The following NBPF12 variants were observed in gnomAD, a reference collection of about 807,000 sequenced individuals.
NBPF12 encodes NBPF member 12, also known as NBPF family member NBPF12.
Under a neutral mutation model 146.4 loss-of-function variants are expected in NBPF12, and 115 were observed. That is an observed-to-expected ratio of 0.79 (90% CI 0.68 to 0.92). The LOEUF is 0.92. NBPF12 is among the 40% of genes least tolerant of loss of function. NBPF12 has a pLI of 0.00. For synonymous variants in NBPF12, 385 were observed against 508.9 expected, an observed-to-expected ratio of 0.76 and a Z score of 3.28; for missense variants, 1,205 against 1,326.8, an observed-to-expected ratio of 0.91 and a Z score of 1.43.
chr1:146,974,090 C>T (rs1308172404), intron 14 of NBPF12, among the ~76,000 whole-genome samples: 1 of 150,538 alleles, frequency 6.6e-6, no homozygotes. Context: ...TGTCAATCTC[C>T]TAGAACATTT....
At chr1:146,992,624 C>T in intron 31 of NBPF12, 88 bp from the exon 35 acceptor site, 1 of 766,836 alleles carries the variant, frequency 1.3e-6, no homozygotes. Context: ...TTTTTAACCA[C>T]TTCCTTATGC....
At chr1:146,994,447 A>G (rs1553890066) in exon 34 of NBPF12, 2 of 1,611,976 alleles carry the variant, frequency 1.2e-6, no homozygotes, top group Admixed American at 1.7e-5. Context: ...CCAGCACTAC[A>G]GAAGTGTGTT....
At chr1:146,952,352 T>C (rs1655360654) in intron 2 of NBPF12, among the ~76,000 whole-genome samples, 3 of 152,094 alleles carry the variant, frequency 2.0e-5, no homozygotes. Flanking sequence ...ATCTCTTCTA[T>C]TCTCTTGCAT....
chr1:146,971,070 T>A, intron 12 of NBPF12, 113 bp from the exon 16 acceptor site: 1 of 1,551,310 alleles, frequency 6.4e-7, no homozygotes. Flanking sequence ...ACCTCCATTT[T>A]GCTTTCTGGG....
intron 14 of NBPF12, among the ~76,000 whole-genome samples, chr1:146,973,390 A>G (rs1656783239): frequency 1.3e-5 from 2 of 151,616 alleles, no homozygotes; most frequent in Admixed American, 6.6e-5. Flanking sequence ...TGTTCTAGTG[A>G]CTCTGAGGGA....
chr1:146,977,157 G>T (rs1183163523), intron 17 of NBPF12, among the ~76,000 whole-genome samples, 156 bp downstream of exon 20: 1 of 148,880 alleles, frequency 6.7e-6, no homozygotes, highest in Admixed American at 6.7e-5. Context: ...GGTGCGGCAG[G>T]TGTCATGTTT....
intron 1 of NBPF12, among the ~76,000 whole-genome samples, chr1:146,942,525 A>G (rs1355607297): frequency 6.6e-6 from 1 of 151,470 alleles, no homozygotes; most frequent in African/African-American, 2.4e-5. Flanking sequence ...TATTTGTTAA[A>G]TGAATGAATG....
chr1:146,992,470 G>GTGTGTT (rs1658250271), intron 31 of NBPF12, among the ~76,000 whole-genome samples: 12 of 85,434 alleles, frequency 1.4e-4, no homozygotes, highest in Non-Finnish European at 1.4e-4. Flanking sequence ...CTCTGTGTGT[G>GTGTGTT]TGTGTGTGTG....
exon 6 of NBPF12, chr1:146,963,198 C>A: frequency 6.3e-7 from 1 of 1,597,550 alleles, no homozygotes; most frequent in Non-Finnish European, 8.6e-7. Context: ...TGAGCATCTC[C>A]AGGCCCTCCT....
chr1:146,967,466 A>C (rs1315965779), intron 9 of NBPF12, among the ~76,000 whole-genome samples: 1 of 149,388 alleles, frequency 6.7e-6, no homozygotes, highest in Non-Finnish European at 1.5e-5. Context: ...TTGCCATTGC[A>C]CTCCAGCCTG....
chr1:146,985,012 A>G, intron 22 of NBPF12, 27 bp downstream of exon 25: 1 of 1,079,250 alleles, frequency 9.3e-7, no homozygotes, highest in Non-Finnish European at 1.4e-6. Context: ...GAAGGTGATA[A>G]GGATCCACTG....
At chr1:146,952,810 G>A (rs1655382351) in intron 2 of NBPF12, among the ~76,000 whole-genome samples, 1 of 150,854 alleles carries the variant, frequency 6.6e-6, no homozygotes, top group African/African-American at 2.5e-5. Context: ...AGAGGAAGGT[G>A]AGGTCCGTAT....
At chr1:146,976,258 C>T (rs1348865086) in intron 16 of NBPF12, among the ~76,000 whole-genome samples, 2 of 151,634 alleles carry the variant, frequency 1.3e-5, no homozygotes, top group African/African-American at 4.9e-5. Flanking sequence ...TAGTAACTGT[C>T]GGTGAGTGAA....
At chr1:146,959,318 C>T (rs1232720414) in intron 2 of NBPF12, among the ~76,000 whole-genome samples, 1 of 37,216 alleles carries the variant, frequency 2.7e-5, no homozygotes, top group Non-Finnish European at 4.2e-5. Context: ...ACTAAAAATA[C>T]AAAAAAAAAA....
chr1:146,976,299 C>T (rs1354946437), intron 16 of NBPF12, among the ~76,000 whole-genome samples: 2 of 146,152 alleles, frequency 1.4e-5, no homozygotes, highest in East Asian at 2.0e-4. Flanking sequence ...TCTCTCTCTC[C>T]ATGGCAGACA....
chr1:146,994,362 G>C, exon 34 of NBPF12: 1 of 1,612,178 alleles, frequency 6.2e-7, no homozygotes, highest in Non-Finnish European at 8.5e-7. Flanking sequence ...AAGTGGAAGA[G>C]CCTGAAGTCT....
chr1:146,978,260 A>ATTTTTTTTTTTTTTTTTTTT (rs1187524068), intron 18 of NBPF12, among the ~76,000 whole-genome samples: 1 of 83,922 alleles, frequency 1.2e-5, no homozygotes, highest in Non-Finnish European at 2.2e-5. Flanking sequence ...AGCGTCGTAG[A>ATTTTTTTTTTTTTTTTTTTT]TTTTTTTTTT....
chr1:146,953,360 A>T (rs1655406890), intron 2 of NBPF12, among the ~76,000 whole-genome samples: 1 of 143,396 alleles, frequency 7.0e-6, no homozygotes, highest in Non-Finnish European at 1.5e-5. Flanking sequence ...ATGACCTGGT[A>T]TCCAGTTCAG....
chr1:146,995,304 C>T (rs1230535240), exon 34 of NBPF12: 18 of 128,896 alleles, frequency 1.4e-4, no homozygotes, highest in Non-Finnish European at 4.7e-5. Context: ...TGAGCAATGC[C>T]ATGTTCTTGC....
Sources: gnomAD v4.1 joint callset for allele counts (sites outside exome capture counted in the v4.1 genomes callset) on GRCh38, gnomAD v4.1.1 for gene constraint, MANE v1.5 for transcripts, NCBI Gene and HGNC (gene_info 2026-07-23, HGNC 2026-07-21) for gene names.